The following LIPA variants were observed in gnomAD, a reference collection of about 807,000 sequenced individuals.
The protein encoded by LIPA is lysosomal acid lipase/cholesteryl ester hydrolase.
LIPA carries 26 observed loss-of-function variants against 40.6 expected under a neutral mutation model. The observed-to-expected ratio is 0.64, with a 90% CI of 0.47 to 0.89. LIPA has a LOEUF of 0.89. Ranked by LOEUF, LIPA falls within the 40% of genes least tolerant of loss-of-function variation. LIPA has a pLI of 0.00. For missense variants in LIPA, 455 were observed against 479.6 expected, an observed-to-expected ratio of 0.95 and a Z score of 0.48; for synonymous variants, 188 against 168.4, an observed-to-expected ratio of 1.12 and a Z score of -0.90.
intron 2 of LIPA, among the ~76,000 whole-genome samples, chr10:89,407,740 G>A (rs1446643902): frequency 6.6e-6 from 1 of 152,090 alleles, no homozygotes. Context: ...ACTCTAACAG[G>A]TTTTAGAGAA....
chr10:89,251,693 C>A (rs1486212280), intron 1 of LIPA, 44 bp downstream of exon 1: 2 of 152,414 alleles, frequency 1.3e-5, no homozygotes, highest in African/African-American at 4.8e-5. Context: ...CCAGCTTCCA[C>A]GCCGCACCCG....
intron 2 of LIPA, chr10:89,402,543 G>A (rs1274919220): frequency 6.2e-7 from 1 of 1,614,090 alleles, no homozygotes; most frequent in African/African-American, 1.3e-5. Context: ...TGACAACCAA[G>A]CAAATGTGAG....
At chr10:89,223,626 CA>C in intron 7 of LIPA, 57 bp downstream of exon 7, 1 of 1,370,736 alleles carries the variant, frequency 7.3e-7, no homozygotes, top group Non-Finnish European at 1.0e-6. Flanking sequence ...TCATTCAACA[CA>C]AATAAGCACA....
chr10:89,230,063 C>T (rs1318542457), intron 3 of LIPA, among the ~76,000 whole-genome samples: 1 of 152,132 alleles, frequency 6.6e-6, no homozygotes, highest in African/African-American at 2.4e-5. Context: ...TTTCTACTCA[C>T]CTGTACCCGA....
chr10:89,384,592 A>G (rs1844191010), intron 2 of LIPA: 1 of 1,614,058 alleles, frequency 6.2e-7, no homozygotes, highest in Admixed American at 1.7e-5. Flanking sequence ...GAAATTGGCT[A>G]AAAGATGTAT....
chr10:89,244,402 G>T (rs528764837), intron 3 of LIPA, among the ~76,000 whole-genome samples: 75 of 152,228 alleles, frequency 4.9e-4, no homozygotes, highest in African/African-American at 1.7e-3. Context: ...TTAAATTGAA[G>T]AATAAATAGC....
chr10:89,307,135 C>A (rs1438499457), intron 1 of LIPA: 2 of 1,613,934 alleles, frequency 1.2e-6, no homozygotes, highest in Non-Finnish European at 1.7e-6. Flanking sequence ...AGGCCATCCA[C>A]CACTTTATAG....
chr10:89,323,278 A>G (rs11595533), intron 1 of LIPA, among the ~76,000 whole-genome samples: 97 of 152,314 alleles, frequency 6.4e-4, no homozygotes, highest in Non-Finnish European at 9.8e-4. Flanking sequence ...CTAGATATTG[A>G]AGGAACATAC....
upstream of LIPA, among the ~76,000 whole-genome samples, chr10:89,344,796 A>G (rs751049321): frequency 6.6e-6 from 1 of 152,226 alleles, no homozygotes; most frequent in Non-Finnish European, 1.5e-5. Flanking sequence ...ATACAAAATC[A>G]AAGAATACAC....
intron 2 of LIPA, among the ~76,000 whole-genome samples, chr10:89,369,049 T>C (rs1161455949): frequency 6.6e-6 from 1 of 152,158 alleles, no homozygotes; most frequent in Non-Finnish European, 1.5e-5. Flanking sequence ...TTTATATTCA[T>C]TAAGCTCAAT....
intron 3 of LIPA, among the ~76,000 whole-genome samples, chr10:89,240,666 C>A (rs1253088102): frequency 6.6e-6 from 1 of 152,098 alleles, no homozygotes; most frequent in African/African-American, 2.4e-5. Context: ...AATAGTAGAG[C>A]CAGAACTTAC....
intron 1 of LIPA, among the ~76,000 whole-genome samples, chr10:89,286,378 G>A (rs1201496827): frequency 6.6e-6 from 1 of 151,860 alleles, no homozygotes; most frequent in Non-Finnish European, 1.5e-5. Context: ...TTCTCCCTTA[G>A]CCTCCGCTCC....
chr10:89,339,471 A>G (rs1338194495), intron 1 of LIPA: 2 of 1,614,082 alleles, frequency 1.2e-6, no homozygotes, highest in Admixed American at 1.7e-5. Flanking sequence ...AATCCACACC[A>G]AACAATGGCT....
chr10:89,251,244 C>T (rs1843115431), intron 1 of LIPA, among the ~76,000 whole-genome samples: 1 of 152,220 alleles, frequency 6.6e-6, no homozygotes, highest in African/African-American at 2.4e-5. Context: ...AGCTGAAGTA[C>T]TGGAAGCAAA....
intron 2 of LIPA, among the ~76,000 whole-genome samples, chr10:89,387,646 A>T (rs1844219936): frequency 6.6e-6 from 1 of 151,900 alleles, no homozygotes; most frequent in Non-Finnish European, 1.5e-5. Flanking sequence ...CAACCATGTC[A>T]ATATTTTGCC....
chr10:89,383,476 C>T (rs755270132), intron 2 of LIPA: 4 of 1,614,200 alleles, frequency 2.5e-6, no homozygotes, highest in Middle Eastern at 1.6e-4. Context: ...TGTGGGAATA[C>T]ACAACCTACT....
intron 2 of LIPA, among the ~76,000 whole-genome samples, chr10:89,355,182 C>G (rs1274503411): frequency 6.6e-6 from 1 of 152,148 alleles, no homozygotes; most frequent in East Asian, 1.9e-4. Context: ...ATGTCTGCCC[C>G]CTAGTAGGAT....
intron 1 of LIPA, among the ~76,000 whole-genome samples, chr10:89,262,271 C>G (rs1219369032): frequency 1.3e-5 from 2 of 152,064 alleles, no homozygotes; most frequent in South Asian, 2.1e-4. Flanking sequence ...TGGCAAGCTA[C>G]TATGCAGGCA....
intron 1 of LIPA, among the ~76,000 whole-genome samples, chr10:89,271,535 A>G (rs1459730778): frequency 6.6e-6 from 1 of 152,220 alleles, no homozygotes; most frequent in Admixed American, 6.5e-5. Flanking sequence ...GGTTGCTACC[A>G]CACAGTGAGG....
Sources: allele counts gnomAD v4.1 joint callset (sites outside exome capture counted in the v4.1 genomes callset), GRCh38; gene constraint gnomAD v4.1.1; transcripts MANE v1.5; gene names NCBI Gene and HGNC (gene_info 2026-07-23, HGNC 2026-07-21).